The following ZNF146 variants were observed in gnomAD, a reference collection of about 807,000 sequenced individuals.
ZNF146 encodes zinc finger protein OZF.
A neutral mutation model predicts 22.2 loss-of-function variants in ZNF146; 9 were observed. The ratio of observed to expected loss-of-function variants is 0.41; its 90% CI spans 0.24 to 0.71. The LOEUF is 0.71. Among genes scored for constraint, ZNF146 ranks in the 30% least tolerant of loss-of-function variants. ZNF146 has a pLI of 0.34. For synonymous variants in ZNF146, 108 were observed against 119.2 expected, an observed-to-expected ratio of 0.91 and a Z score of 0.61; for missense variants, 194 against 344.8, an observed-to-expected ratio of 0.56 and a Z score of 3.46.
intron 1 of ZNF146, among the ~76,000 whole-genome samples, chr19:36,217,079 T>TTTTTTTC (rs1976642883): frequency 7.8e-6 from 1 of 128,152 alleles, no homozygotes; most frequent in Non-Finnish European, 1.7e-5. Flanking sequence ...TTTTTTTTTT[T>TTTTTTTC]TGAGATGGAG....
At chr19:36,233,914 CGGGTGTCG>C (rs1977518447) in intron 3 of ZNF146, among the ~76,000 whole-genome samples, 1 of 146,732 alleles carries the variant, frequency 6.8e-6, no homozygotes, top group South Asian at 2.1e-4. Flanking sequence ...AGACCCTTTA[CGGGTGTCG>C]GACTGGGGGA....
In ZNF146 at chr19:36,236,844, A is replaced by G. The variant is rs780481319; in HGVS notation, c.404A>G (p.Lys135Arg). The change falls in exon 4 of 4, where the codon AAA becomes AGA. Residue 135 changes from lysine to arginine, a missense_variant. Transcript: ENST00000443387. The part of the protein sequence containing the change: ...EKPFVCKECG[K>R]TFSGKSNLTE... ...CCCTTTGTATGTAAGGAGTGTGGAA[A>G]AACCTTCAGTGGCAAATCCAACCTT... 6.2e-7 allele frequency: 1 copy of G among 1,614,130 alleles called. No homozygotes were observed. The highest frequency in any genetic ancestry group is 1.1e-5 in the South Asian group (1 of 91,082).
chr19:36,229,684 T>C (rs1169204012), intron 3 of ZNF146, among the ~76,000 whole-genome samples: 2 of 152,224 alleles, frequency 1.3e-5, no homozygotes, highest in Admixed American at 1.3e-4. Context: ...TACATAAGTT[T>C]TTTTCTTAGA....
At chr19:36,219,390 T>A (rs541560992) in intron 2 of ZNF146, among the ~76,000 whole-genome samples, 1 of 152,194 alleles carries the variant, frequency 6.6e-6, no homozygotes, top group East Asian at 1.9e-4. Context: ...GAAGTTAGAT[T>A]TCTGTGTTTG....
intron 3 of ZNF146, among the ~76,000 whole-genome samples, chr19:36,235,217 A>AAG (rs1977599692): frequency 2.5e-5 from 3 of 118,036 alleles, no homozygotes; most frequent in Admixed American, 8.4e-5. Context: ...CAAAAAAAAA[A>AAG]AAAGAAGAAA....
At position 36,218,148 on chromosome 19, in the gene ZNF146, TC is replaced by T. The variant is rs955368739; in HGVS notation, c.-900del. The T allele has an allele frequency of 1.4e-5, 2 of 147,620 alleles. No individual in the cohort carries two copies. The highest frequency in any genetic ancestry group is 5.1e-5 in the African/African-American group (2 of 39,254). 9.1% of individuals were successfully genotyped at this position (147,620 alleles called of 1,614,324 possible). On this transcript the variant is annotated 5_prime_UTR_variant, in exon 2 of 4. Transcript: ENST00000443387. ...AAGACATAGGCCAAGGAGCCAGACT[TC>T]CTGTGTTAACTCCTTCCTCTGCCAC...
At chr19:36,224,378 A>G (rs1976986720) in intron 2 of ZNF146, among the ~76,000 whole-genome samples, 1 of 152,186 alleles carries the variant, frequency 6.6e-6, no homozygotes, top group Admixed American at 6.5e-5. Flanking sequence ...GCCAAACTCC[A>G]TCTCACACAC....
Position 36,222,926 on chromosome 19 carries a change from G to GC in ZNF146, c.-855+4736dup, listed in dbSNP as rs1481480609. Among the ~76,000 whole-genome samples, 3 of 150,802 alleles carry GC rather than the reference G, an allele frequency of 2.0e-5. No homozygotes were observed. The East Asian group carries it at 5.9e-4, about 30-fold the overall frequency. ...TTTTACATAGCCGTGCTTAGAATGA[G>GC]CCCCCTGTGGTTGGTGAGCACAGAG... On this transcript the variant is annotated intron_variant, in intron 2 of 3. Coordinates refer to ENST00000443387, the MANE Select transcript of ZNF146 (RefSeq NM_007145.3).
rs1404529757 is a variant in ZNF146 at position 36,235,202 on chromosome 19, C to T, written c.-782-457C>T. Among the ~76,000 whole-genome samples the T allele has an allele frequency of 5.0e-5, 7 of 138,910 alleles. No homozygotes were observed. In the East Asian group the frequency reaches 9.7e-4, roughly 19 times the overall value. 91.1% of individuals were successfully genotyped at this position (138,910 alleles called of 152,430 possible). A position where few individuals can be genotyped will look rare whatever the true frequency, so the allele number is the denominator to read the frequency against. ...CCAGCCTGGATAACGAGCGAAATTC[C>T]GTCTCAAAAAAAAAAAAAGAAGAAA... is the stretch of plus-strand genomic sequence containing the variant. On this transcript the variant is annotated intron_variant, in intron 3 of 3. Coordinates refer to ENST00000443387, the MANE Select transcript of ZNF146 (RefSeq NM_007145.3).
At chr19:36,224,567 GT>G (rs1190740461) in intron 2 of ZNF146, among the ~76,000 whole-genome samples, 2 of 152,252 alleles carry the variant, frequency 1.3e-5, no homozygotes, top group East Asian at 3.9e-4. Flanking sequence ...TTATCATTGT[GT>G]TTTACTTTGT....
intron 2 of ZNF146, among the ~76,000 whole-genome samples, chr19:36,221,866 C>T (rs1262004052): frequency 6.6e-6 from 1 of 151,776 alleles, no homozygotes; most frequent in African/African-American, 2.4e-5. Context: ...ACATGCACCT[C>T]CCTATATCTC....
At position 36,236,765 on chromosome 19, in the gene ZNF146, T is replaced by C. The variant is rs753060596; in HGVS notation, c.325T>C (p.Phe109Leu). The change falls in exon 4 of 4, where the codon TTC becomes CTC. Residue 109 changes from phenylalanine to leucine, a missense_variant. Coordinates refer to ENST00000443387, the MANE Select transcript of ZNF146 (RefSeq NM_007145.3). ...PFECKDCGKA[F>L]IQKSNLIRHQ... is the part of the protein sequence containing the mutation. ...TGAGTGTAAAGATTGCGGGAAAGCT[T>C]TCATTCAGAAGTCAAACCTCATCAG... is the stretch of plus-strand genomic sequence containing the variant. 6.2e-7 allele frequency: 1 copy of C among 1,614,134 alleles called. No individual in the cohort carries two copies. Among genetic ancestry groups the C allele is most frequent in the Non-Finnish European group, 8.5e-7 (1 of 1,180,020 alleles).
chr19:36,237,426 C>G lies in ZNF146; in HGVS notation c.*107C>G. On this transcript the variant is annotated 3_prime_UTR_variant, in exon 4 of 4. Transcript: ENST00000443387. The stretch of plus-strand genomic sequence containing the variant: ...AGCAAAGCACCACGAATGAGGTTAA[C>G]TTTAACAAGTACTAAAAACTTAAGG... The G allele has an allele frequency of 7.2e-7, 1 of 1,381,058 alleles. No homozygotes were observed. The highest frequency in any genetic ancestry group is 2.8e-5 in the Admixed American group (1 of 36,248). The allele number at this position is 1,381,058 out of a possible 1,614,324, so 85.6% of individuals were successfully genotyped here.
chr19:36,215,789 A>G (rs1976577110), intron 1 of ZNF146, among the ~76,000 whole-genome samples: 1 of 152,174 alleles, frequency 6.6e-6, no homozygotes, highest in Non-Finnish European at 1.5e-5. Context: ...ACTAAACAGC[A>G]TTGTACGCTT....
chr19:36,231,219 CT>C (rs1195773036), intron 3 of ZNF146, among the ~76,000 whole-genome samples: 1 of 151,546 alleles, frequency 6.6e-6, no homozygotes, highest in African/African-American at 2.4e-5. Context: ...AAAAGTTCTT[CT>C]TTTTTTTGAG....
chr19:36,224,797 A>G (rs1977000029), intron 2 of ZNF146, among the ~76,000 whole-genome samples: 1 of 152,190 alleles, frequency 6.6e-6, no homozygotes, highest in Non-Finnish European at 1.5e-5. Context: ...TATGTACGTG[A>G]TACGTATTCT....
At chr19:36,226,962 A>C (rs1031010244) in intron 2 of ZNF146, among the ~76,000 whole-genome samples, 1 of 152,146 alleles carries the variant, frequency 6.6e-6, no homozygotes, top group African/African-American at 2.4e-5. Flanking sequence ...GCATGCCTAT[A>C]GTCCCAGCTG....
In ZNF146 at chr19:36,236,384, C is replaced by G; in HGVS notation, c.-57C>G. The G allele has an allele frequency of 1.3e-6, 2 of 1,534,844 alleles. No individual in the cohort carries two copies. The highest frequency in any genetic ancestry group is 1.7e-6 in the Non-Finnish European group (2 of 1,145,618). Reference sequence around the variant, plus strand: ...CTTCAGCCAAAAGTAAATCCTCACTCATCAAGAAATTTTTACTGGAGAGAA... The same window carrying G: ...CTTCAGCCAAAAGTAAATCCTCACTGATCAAGAAATTTTTACTGGAGAGAA... On this transcript the variant is annotated 5_prime_UTR_variant, in exon 4 of 4. It introduces an in-frame stop codon into an upstream open reading frame of the 5' UTR. Coordinates refer to ENST00000443387, the MANE Select transcript of ZNF146 (RefSeq NM_007145.3).
intron 2 of ZNF146, among the ~76,000 whole-genome samples, chr19:36,220,508 G>A (rs1354934351): frequency 6.6e-6 from 1 of 152,064 alleles, no homozygotes; most frequent in Non-Finnish European, 1.5e-5. Context: ...GGGACTACAG[G>A]TGCATGCCAC....
Sources: allele counts gnomAD v4.1 joint callset (sites outside exome capture counted in the v4.1 genomes callset), GRCh38; gene constraint gnomAD v4.1.1; transcripts MANE v1.5; gene names NCBI Gene and HGNC (gene_info 2026-07-23, HGNC 2026-07-21).